Variants in MAD1L1 observed in about 807,000 individuals in gnomAD.
The protein encoded by MAD1L1 is mitotic spindle assembly checkpoint protein MAD1.
MAD1L1 carries 95 observed loss-of-function variants against 96.9 expected under a neutral mutation model. The ratio of observed to expected loss-of-function variants is 0.98; its 90% CI spans 0.83 to 1.16. The LOEUF (loss-of-function observed/expected upper bound fraction) is 1.16, where lower values mean the gene tolerates loss of function less well. Ranked by LOEUF, MAD1L1 falls within the 50% of genes most tolerant of loss-of-function variation. The pLI is 0.00. For missense variants in MAD1L1, 1,007 were observed against 954.4 expected (o/e 1.06, Z -0.73); for synonymous variants, 473 against 396.6 (o/e 1.19, Z -2.29).
rs528114901 is a variant in MAD1L1 at position 1,885,201 on chromosome 7, C to T, written c.1998+12999G>A. Among the ~76,000 whole-genome samples the T allele has an allele frequency of 2.9e-3, 434 of 152,250 alleles. 1 individual carries two copies. The highest frequency in any genetic ancestry group is 6.8e-3 in the Middle Eastern group (2 of 294). On this transcript the variant is annotated intron_variant, in intron 18 of 18. Transcript: ENST00000265854. ...ATGGCTCCGGGCTCCTGCATGGACG[C>T]CCCCACACACAGACACTACTTTCAA...
At chr7:2,004,726 T>G (rs1781954166) in intron 13 of MAD1L1, among the ~76,000 whole-genome samples, 1 of 152,248 alleles carries the variant, frequency 6.6e-6, no homozygotes, top group African/African-American at 2.4e-5. Context: ...ATCAGGTTTC[T>G]GTGAGGACAG....
intron 15 of MAD1L1, among the ~76,000 whole-genome samples, chr7:1,973,478 C>T (rs747211095): frequency 2.0e-5 from 3 of 152,078 alleles, no homozygotes; most frequent in African/African-American, 4.8e-5. Context: ...ACGAGGGCCA[C>T]GGAAGGGTGG....
intron 17 of MAD1L1, among the ~76,000 whole-genome samples, chr7:1,903,837 T>C (rs1278397598): frequency 4.2e-5 from 6 of 143,880 alleles, no homozygotes; most frequent in Non-Finnish European, 7.5e-5. Flanking sequence ...GAACTCATAA[T>C]TGATCAAGCA....
Position 1,898,338 on chromosome 7 carries a change from C to T in MAD1L1, c.1860G>A (p.Glu620=). The change falls in exon 18 of 19, where the codon GAG becomes GAA. Residue 620 remains glutamate (E), a synonymous_variant. Transcript: ENST00000265854. ...ACTCCTGGATCTTGGTCTGGAAAAC[C>T]TCCTTGAGCCGCTGGTTCTTCAGCT... ...SAELKNQRLK[E]VFQTKIQEFR... The T allele has an allele frequency of 6.2e-7, 1 of 1,614,080 alleles. No individual in the cohort carries two copies. The highest frequency in any genetic ancestry group is 8.5e-7 in the Non-Finnish European group (1 of 1,180,018).
At chr7:2,097,714 AC>A (rs1786566118) in intron 11 of MAD1L1, among the ~76,000 whole-genome samples, 1 of 152,140 alleles carries the variant, frequency 6.6e-6, no homozygotes, top group African/African-American at 2.4e-5. Context: ...GAGGCAAGAG[AC>A]ACACAGCAGC....
intron 10 of MAD1L1, among the ~76,000 whole-genome samples, chr7:2,167,599 T>A (rs900882840): frequency 5.9e-4 from 90 of 151,622 alleles, no homozygotes; most frequent in Non-Finnish European, 1.0e-3. Flanking sequence ...TGCATGGTGG[T>A]GGGCACCTGT....
At chr7:2,188,718 A>G (rs996659231) in intron 10 of MAD1L1, among the ~76,000 whole-genome samples, 1 of 152,136 alleles carries the variant, frequency 6.6e-6, no homozygotes, top group Non-Finnish European at 1.5e-5. Flanking sequence ...AAGACCTAAA[A>G]CTATAAAACT....
chr7:1,918,044 C>T (rs1315225516), intron 17 of MAD1L1, among the ~76,000 whole-genome samples: 2 of 152,156 alleles, frequency 1.3e-5, no homozygotes, highest in Non-Finnish European at 2.9e-5. Flanking sequence ...CGTGGGCCCA[C>T]ATATCACACC....
At chr7:2,197,929 CCCAGCCTGTGACTGA>C (rs1792079222) in intron 10 of MAD1L1, among the ~76,000 whole-genome samples, 1 of 152,118 alleles carries the variant, frequency 6.6e-6, no homozygotes, top group Admixed American at 6.5e-5. Context: ...GCCCCCAGGC[CCCAGCCTGTGACTGA>C]CCCCATCTCC....
rs548125782 is a variant in MAD1L1, at chr7:2,153,489, A to T, written c.987-4251T>A. Among the ~76,000 whole-genome samples the T allele has an allele frequency of 1.3e-4, 20 of 152,350 alleles. 1 individual carries two copies. In the South Asian group the frequency reaches 3.7e-3, roughly 28 times the overall value. On this transcript the variant is annotated intron_variant, in intron 10 of 18. Transcript: ENST00000265854. ...GGGGGAATTGCAAATCAAAACCACA[A>T]TGAGATACCACCTTACCTCAGCTTA...
intron 15 of MAD1L1, among the ~76,000 whole-genome samples, chr7:1,958,296 G>A (rs894450529): frequency 2.0e-5 from 3 of 152,180 alleles, no homozygotes; most frequent in Admixed American, 6.5e-5. Flanking sequence ...AAACCTCCAT[G>A]GCCGCAACCG....
At chr7:2,094,924 G>A (rs1193792416) in intron 11 of MAD1L1, among the ~76,000 whole-genome samples, 1 of 152,158 alleles carries the variant, frequency 6.6e-6, no homozygotes, top group Non-Finnish European at 1.5e-5. Context: ...GTGATGCCGT[G>A]TTCATGGATA....
At chr7:2,217,767 G>A (rs534999633) in intron 7 of MAD1L1, among the ~76,000 whole-genome samples, 195 bp downstream of exon 7, 3 of 152,300 alleles carry the variant, frequency 2.0e-5, no homozygotes, top group South Asian at 2.1e-4. Flanking sequence ...TAGAATACAC[G>A]CTCCCAAGAG....
chr7:2,219,865 G>A (rs951783702), intron 5 of MAD1L1, among the ~76,000 whole-genome samples: 45 of 152,122 alleles, frequency 3.0e-4, no homozygotes, highest in Non-Finnish European at 6.0e-4. Flanking sequence ...CCCCAGCCAG[G>A]GGCCCTGGAA....
chr7:1,846,914 G>A (rs1056828026), intron 18 of MAD1L1: 2 of 287,484 alleles, frequency 7.0e-6, no homozygotes, highest in South Asian at 3.2e-5. Flanking sequence ...CTGCCAGCTC[G>A]TGGGGCTTGA....
chr7:2,098,814 G>A (rs576226481), intron 11 of MAD1L1, among the ~76,000 whole-genome samples: 14 of 152,212 alleles, frequency 9.2e-5, no homozygotes, highest in Non-Finnish European at 2.1e-4. Context: ...CCAAGGCCCG[G>A]CGTCCCCAGA....
At chr7:1,959,109 G>A (rs1253117946) in intron 15 of MAD1L1, among the ~76,000 whole-genome samples, 3 of 152,008 alleles carry the variant, frequency 2.0e-5, no homozygotes, top group East Asian at 1.9e-4. Flanking sequence ...AAAATTAGCC[G>A]GGCGTCGTGG....
At chr7:2,078,041 C>T (rs1427142394) in intron 11 of MAD1L1, among the ~76,000 whole-genome samples, 1 of 152,214 alleles carries the variant, frequency 6.6e-6, no homozygotes, top group East Asian at 1.9e-4. Context: ...TCGCTCCTTG[C>T]TAAGAGGGAA....
At chr7:1,972,116 T>C (rs1780430769) in intron 15 of MAD1L1, among the ~76,000 whole-genome samples, 1 of 152,208 alleles carries the variant, frequency 6.6e-6, no homozygotes, top group South Asian at 2.1e-4. Flanking sequence ...CCTCCATGTC[T>C]ACTCCCACGT....
Sources: allele counts gnomAD v4.1 joint callset (sites outside exome capture counted in the v4.1 genomes callset), GRCh38; gene constraint gnomAD v4.1.1; transcripts MANE v1.5; gene names NCBI Gene and HGNC (gene_info 2026-07-23, HGNC 2026-07-21).